The following ZCCHC2 variants were observed in gnomAD, a reference collection of about 807,000 sequenced individuals.
The protein encoded by ZCCHC2 is zinc finger CCHC-type containing 2, also known as zinc finger CCHC domain-containing protein 2.
ZCCHC2 carries 39 observed loss-of-function variants against 103.6 expected under a neutral mutation model. That is an observed-to-expected ratio of 0.38 (90% CI 0.29 to 0.49). ZCCHC2 has a LOEUF of 0.49. Ranked by LOEUF, ZCCHC2 falls within the 20% of genes least tolerant of loss-of-function variation. The pLI is 0.96. For synonymous variants in ZCCHC2, 687 were observed against 608.9 expected (o/e 1.13, Z -1.89); for missense variants, 1,483 against 1,491.0 (o/e 0.99, Z 0.09).
chr18:62,531,513 A>G (rs1284397489), intron 1 of ZCCHC2, among the ~76,000 whole-genome samples: 1 of 152,198 alleles, frequency 6.6e-6, no homozygotes, highest in East Asian at 1.9e-4. Flanking sequence ...TAAAATAGGG[A>G]TATCATTCCT....
chr18:62,562,463 AGTTT>A (rs1385430383), intron 8 of ZCCHC2, among the ~76,000 whole-genome samples: 1 of 151,918 alleles, frequency 6.6e-6, no homozygotes, highest in Non-Finnish European at 1.5e-5. Flanking sequence ...TTGTAATATT[AGTTT>A]ATTTTATAAG....
rs1914164674 is a variant in ZCCHC2 at position 62,523,570 on chromosome 18, CGCCCG to C, written c.147_151del (p.Pro50GlyfsTer269). 1 of 961,364 alleles carries C rather than the reference CGCCCG, an allele frequency of 1.0e-6. No individual in the cohort carries two copies. The highest frequency in any genetic ancestry group is 1.8e-5 in the African/African-American group (1 of 55,718). 59.6% of individuals were successfully genotyped at this position (961,364 alleles called of 1,614,324 possible). A position where few individuals can be genotyped will look rare whatever the true frequency, so the allele number is the denominator to read the frequency against. On this transcript the variant is annotated frameshift_variant, in exon 1 of 14. Transcript: ENST00000269499. LOFTEE classifies it high-confidence loss of function. ...TGCCGCCCCCCGCCGCCGCCGCCGCCGCCCGCGGGCCCGTCGCGGGGCCCTCTGCC... is the reference window on the plus strand; with the variant it reads ...TGCCGCCCCCCGCCGCCGCCGCCGCCCGGGCCCGTCGCGGGGCCCTCTGCC...
intron 12 of ZCCHC2, among the ~76,000 whole-genome samples, chr18:62,571,770 A>T (rs116127240): frequency 0.011 from 1,637 of 152,340 alleles, 28 homozygotes; most frequent in African/African-American, 0.037. Flanking sequence ...ATATTGTTTC[A>T]GCCAAGTGTG....
intron 1 of ZCCHC2, among the ~76,000 whole-genome samples, chr18:62,530,592 T>C (rs745920231): frequency 2.6e-5 from 4 of 152,126 alleles, no homozygotes; most frequent in Non-Finnish European, 5.9e-5. Context: ...TGTGAATACA[T>C]TGATGTTCGG....
chr18:62,536,433 A>G (rs567968263), intron 1 of ZCCHC2, among the ~76,000 whole-genome samples: 4 of 152,228 alleles, frequency 2.6e-5, no homozygotes, highest in Non-Finnish European at 5.9e-5. Flanking sequence ...AGTCTTTGTA[A>G]AATACTGATT....
At chr18:62,549,146 G>A (rs1463550269) in intron 4 of ZCCHC2, among the ~76,000 whole-genome samples, 30 of 151,290 alleles carry the variant, frequency 2.0e-4, no homozygotes, top group Non-Finnish European at 1.5e-5. Context: ...GTGAACCCGG[G>A]AGGTGGAGCT....
rs1282276555 is a variant in ZCCHC2, at chr18:62,523,411, C to T, written c.-14C>T. ...CCCGCCCCCGCTCGCATGTCTGCGC[C>T]GCCCTAGCCGAGGATGCTGAGGATG... On this transcript the variant is annotated 5_prime_UTR_variant, in exon 1 of 14. Coordinates refer to ENST00000269499, the MANE Select transcript of ZCCHC2 (RefSeq NM_017742.6). The T allele has an allele frequency of 1.9e-6, 2 of 1,036,690 alleles. No homozygotes were observed. Among genetic ancestry groups the T allele is most frequent in the Non-Finnish European group, 2.3e-6 (2 of 858,736 alleles). The allele number at this position is 1,036,690 out of a possible 1,614,324, so 64.2% of individuals were successfully genotyped here.
rs1048300123 is a variant in ZCCHC2, at chr18:62,523,138, G to A, written c.-287G>A. 46 of 152,414 alleles carry A rather than the reference G, an allele frequency of 3.0e-4. No individual in the cohort carries two copies. Among genetic ancestry groups the A allele is most frequent in the Non-Finnish European group, 5.0e-4 (34 of 68,300 alleles). The allele number at this position is 152,414 out of a possible 1,614,324, so 9.4% of individuals were successfully genotyped here. A position where few individuals can be genotyped will look rare whatever the true frequency, so the allele number is the denominator to read the frequency against. ...AGGGAGGCGGAAGGAGGACACCCTC[G>A]CTCGCTTGCTCCCACCCGCACCCGG... On this transcript the variant is annotated 5_prime_UTR_variant, in exon 1 of 14. Coordinates refer to ENST00000269499, the MANE Select transcript of ZCCHC2 (RefSeq NM_017742.6).
Position 62,577,585 on chromosome 18 carries a change from A to G in ZCCHC2, c.*1006A>G, listed in dbSNP as rs890375428. The G allele has an allele frequency of 2.6e-5, 4 of 152,626 alleles. No individual in the cohort carries two copies. Among genetic ancestry groups the G allele is most frequent in the African/African-American group, 7.2e-5 (3 of 41,444 alleles). The allele number at this position is 152,626 out of a possible 1,614,324, so 9.5% of individuals were successfully genotyped here. ...AATCTGAACAGAGCTATGGGTTTCT[A>G]CCATAAGTCAGGTTGTTTGTTCCCT... On this transcript the variant is annotated 3_prime_UTR_variant, in exon 14 of 14. Transcript: ENST00000269499.
At chr18:62,525,965 C>T (rs762078229) in intron 1 of ZCCHC2, 36 of 152,118 alleles carry the variant, frequency 2.4e-4, no homozygotes, top group Non-Finnish European at 3.8e-4. Flanking sequence ...TAAAGATAGC[C>T]TTAAATTGCA....
In ZCCHC2 at chr18:62,562,571, G is replaced by A. The variant is rs143955820; in HGVS notation, c.1551-438G>A. ...CCATGTTAAGCACTGTTACCTGAAA[G>A]TCTGTGTCCAATAAGTTTATCATCT... On this transcript the variant is annotated intron_variant, in intron 8 of 13. Transcript: ENST00000269499. 5.3e-3 allele frequency among the ~76,000 whole-genome samples: 802 copies of A among 152,142 alleles called. 3 individuals are homozygous for A. The highest frequency in any genetic ancestry group is 0.01 in the Middle Eastern group (3 of 294).
At chr18:62,570,514 A>AG (rs1461923634) in intron 12 of ZCCHC2, among the ~76,000 whole-genome samples, 1 of 152,178 alleles carries the variant, frequency 6.6e-6, no homozygotes, top group Non-Finnish European at 1.5e-5. Context: ...AAGAAGGAAA[A>AG]TGTGTCTTGT....
intron 10 of ZCCHC2, 95 bp downstream of exon 10, chr18:62,564,730 T>G: frequency 1.0e-6 from 1 of 986,114 alleles, no homozygotes; most frequent in South Asian, 2.0e-5. Flanking sequence ...TTAGTTAGTT[T>G]TCTTTATATT....
intron 2 of ZCCHC2, 48 bp from the exon 3 acceptor site, chr18:62,542,450 G>A (rs1489230959): frequency 1.4e-6 from 2 of 1,479,876 alleles, no homozygotes; most frequent in Non-Finnish European, 1.8e-6. Context: ...AGTGAAATGT[G>A]TCTATAGTCT....
At chr18:62,574,018 A>G in intron 12 of ZCCHC2, 39 bp from the exon 13 acceptor site, 1 of 1,564,180 alleles carries the variant, frequency 6.4e-7, no homozygotes, top group Admixed American at 1.8e-5. Flanking sequence ...GATGGGAGTT[A>G]TGCCCGTGTT....
chr18:62,555,218 A>G (rs1165042506), intron 5 of ZCCHC2, among the ~76,000 whole-genome samples: 1 of 152,184 alleles, frequency 6.6e-6, no homozygotes, highest in Non-Finnish European at 1.5e-5. Flanking sequence ...TTCCTGGTAG[A>G]TTCTGCTCTA....
chr18:62,568,608 C>G (rs1916467726), intron 11 of ZCCHC2, among the ~76,000 whole-genome samples: 2 of 152,256 alleles, frequency 1.3e-5, no homozygotes, highest in South Asian at 4.2e-4. Flanking sequence ...GAGGTAGCTG[C>G]TTTTTTTAAA....
In ZCCHC2 at chr18:62,537,748, A is replaced by G. The variant is rs2145493345; in HGVS notation, c.940-1933A>G. ...ATAACTGCTATGAACACTGATGTAC[A>G]GATTATGTTTGCATTTCTGCTTTCA... On this transcript the variant is annotated intron_variant, in intron 1 of 13. Transcript: ENST00000269499. Among the ~76,000 whole-genome samples, 3 of 152,338 alleles carry G rather than the reference A, an allele frequency of 2.0e-5. No homozygotes were observed. In the South Asian group the frequency reaches 6.2e-4, roughly 32 times the overall value.
chr18:62,575,986 A>C (rs969595246), intron 13 of ZCCHC2, among the ~76,000 whole-genome samples: 77 of 151,836 alleles, frequency 5.1e-4, no homozygotes, highest in Admixed American at 4.8e-3. Context: ...CAGCTGCCTC[A>C]TGCCTGTTTC....
Sources: gnomAD v4.1 joint callset for allele counts (sites outside exome capture counted in the v4.1 genomes callset) on GRCh38, gnomAD v4.1.1 for gene constraint, MANE v1.5 for transcripts, NCBI Gene and HGNC (gene_info 2026-07-23, HGNC 2026-07-21) for gene names.